The following CHRNA4 variants were observed in gnomAD, a reference collection of about 807,000 sequenced individuals.
The protein encoded by CHRNA4 is neuronal acetylcholine receptor subunit alpha-4.
A neutral mutation model predicts 48.9 loss-of-function variants in CHRNA4; 28 were observed. The ratio of observed to expected loss-of-function variants is 0.57; its 90% CI spans 0.42 to 0.79. CHRNA4 has a LOEUF of 0.79. Among genes scored for constraint, CHRNA4 ranks in the 30% least tolerant of loss-of-function variants. CHRNA4 has a pLI of 0.00. For missense variants in CHRNA4, 859 were observed against 898.4 expected, an observed-to-expected ratio of 0.96 and a Z score of 0.56; for synonymous variants, 425 against 402.3, an observed-to-expected ratio of 1.06 and a Z score of -0.68.
At chr20:63,346,993 G>T in intron 5 of CHRNA4, 130 bp from the exon 6 acceptor site, 1 of 1,364,526 alleles carries the variant, frequency 7.3e-7, no homozygotes, top group Non-Finnish European at 1.0e-6. Context: ...CATTGCTGCT[G>T]GTGCACGCGG....
At position 63,344,551 on chromosome 20, in the gene CHRNA4, G is replaced by A. The variant is rs568370684; in HGVS notation, c.*2187C>T. On this transcript the variant is annotated 3_prime_UTR_variant, in exon 6 of 6. Transcript: ENST00000370263. This position sits in a 1 kb window ranked among gnomAD's most constrained non-coding sequence, Gnocchi z 4.5. ...CCCAGGCAAGCGGCCACCCCCGGCA[G>A]GAGGGTCCCCCGGCAGGAGCGTCCC... 4.4e-6 allele frequency: 2 copies of A among 452,640 alleles called. No homozygotes were observed. Among genetic ancestry groups the A allele is most frequent in the East Asian group, 1.4e-4 (2 of 14,334 alleles). The allele number at this position is 452,640 out of a possible 1,614,324, so 28.0% of individuals were successfully genotyped here. A position where few individuals can be genotyped will look rare whatever the true frequency, so the allele number is the denominator to read the frequency against.
Position 63,354,533 on chromosome 20 carries a change from C to T in CHRNA4, c.383+1442G>A, listed in dbSNP as rs370992978. 1.1e-3 allele frequency: 1,030 copies of T among 942,242 alleles called. 4 individuals are homozygous for T. The highest frequency in any genetic ancestry group is 9.4e-3 in the Middle Eastern group (17 of 1,812). 58.4% of individuals were successfully genotyped at this position (942,242 alleles called of 1,614,324 possible). A position where few individuals can be genotyped will look rare whatever the true frequency, so the allele number is the denominator to read the frequency against. ...CTGTGGTCCTGGGGGAGCTGTGAAC[C>T]TGGTGGGGGCTGCAGTCTTTGGAGG... On this transcript the variant is annotated intron_variant, in intron 4 of 5. Transcript: ENST00000370263.
intron 5 of CHRNA4, among the ~76,000 whole-genome samples, chr20:63,347,611 G>T (rs559289285): frequency 9.5e-4 from 144 of 152,318 alleles, no homozygotes; most frequent in African/African-American, 3.3e-3. Context: ...AGCCACTCTC[G>T]AGACAGCCGC....
At position 63,361,145 on chromosome 20, in the gene CHRNA4, T is replaced by C. The variant is rs1406609330; in HGVS notation, c.21A>G (p.Gly7=). Reference sequence around the variant, plus strand: ...GCAGCGGCGGCAGCAGCCGCGGCGCTCCGGGGCCCCCTAGCTCCATGGCGC... The same window carrying C: ...GCAGCGGCGGCAGCAGCCGCGGCGCCCCGGGGCCCCCTAGCTCCATGGCGC... The part of the protein sequence containing the change: MELGGP[G]APRLLPPLLL... Residue 7 remains glycine, a synonymous_variant, in exon 1 of 6, where the codon GGA becomes GGG. Transcript: ENST00000370263. The C allele has an allele frequency of 6.8e-7, 1 of 1,478,870 alleles. No individual in the cohort carries two copies. The highest frequency in any genetic ancestry group is 2.3e-5 in the Admixed American group (1 of 44,018). The allele number at this position is 1,478,870 out of a possible 1,614,324, so 91.6% of individuals were successfully genotyped here.
At chr20:63,355,707 C>T in intron 4 of CHRNA4, 1 of 857,434 alleles carries the variant, frequency 1.2e-6, no homozygotes, top group Non-Finnish European at 1.8e-6. Flanking sequence ...TCAGGCCCCT[C>T]CGGCTCTGAC....
At chr20:63,354,669 C>T in intron 4 of CHRNA4, 2 of 984,894 alleles carry the variant, frequency 2.0e-6, no homozygotes, top group Non-Finnish European at 2.4e-6. Context: ...AGGCTTCGTT[C>T]CTGGGGGCTG....
At chr20:63,352,700 C>T (rs1014703896) in intron 4 of CHRNA4, among the ~76,000 whole-genome samples, 5 of 152,216 alleles carry the variant, frequency 3.3e-5, no homozygotes, top group African/African-American at 1.2e-4. Flanking sequence ...CTGTTCAGCA[C>T]ACACTCTACA....
At chr20:63,355,232 G>A in intron 4 of CHRNA4, 1 of 339,344 alleles carries the variant, frequency 2.9e-6, no homozygotes, top group Non-Finnish European at 5.8e-6. Flanking sequence ...TCTGCAGGAA[G>A]GACAAGTTAG....
chr20:63,355,445 C>T, intron 4 of CHRNA4: 1 of 1,105,858 alleles, frequency 9.0e-7, no homozygotes, highest in Middle Eastern at 2.3e-4. Context: ...CGTGAGTATG[C>T]AGAGAAAGCA....
At position 63,350,050 on chromosome 20, in the gene CHRNA4, C is replaced by T. The variant is rs2068561991; in HGVS notation, c.1361G>A (p.Gly454Asp). Residue 454 changes from glycine to aspartate, a missense_variant, in exon 5 of 6, where the codon GGC becomes GAC. This residue lies in a region of CHRNA4 where 478 missense variants were observed against 455.4 expected (regional missense o/e 1.05). Coordinates refer to ENST00000370263, the MANE Select transcript of CHRNA4 (RefSeq NM_000744.7). Reference sequence around the variant, plus strand: ...TTTGGCCAGCCCTGGTGCCTGGGTGCCGTGGGGCGGGCGGCAGGGTCCAGG... The same window carrying T: ...TTTGGCCAGCCCTGGTGCCTGGGTGTCGTGGGGCGGGCGGCAGGGTCCAGG... The part of the protein sequence containing the change: ...PSPGPCRPPH[G>D]TQAPGLAKAR... The T allele has an allele frequency of 6.6e-7, 1 of 1,512,888 alleles. No homozygotes were observed. The highest frequency in any genetic ancestry group is 8.9e-7 in the Non-Finnish European group (1 of 1,129,688). 93.7% of individuals were successfully genotyped at this position (1,512,888 alleles called of 1,614,324 possible).
At chr20:63,351,469 G>T (rs1363903757) in intron 4 of CHRNA4, among the ~76,000 whole-genome samples, 1 of 152,176 alleles carries the variant, frequency 6.6e-6, no homozygotes, top group African/African-American at 2.4e-5. Flanking sequence ...CATGAGTGGC[G>T]CATGGATGGG....
Position 63,349,730 on chromosome 20 carries a change from A to G in CHRNA4, c.1681T>C (p.Ser561Pro), listed in dbSNP as rs931741545. Residue 561 changes from serine to proline, a missense_variant, in exon 5 of 6, where the codon TCG (serine) becomes CCG (proline). Coordinates refer to ENST00000370263, the MANE Select transcript of CHRNA4 (RefSeq NM_000744.7). ...TKAPPPHLPL[S>P]PALTRAVEGV... Reference sequence around the variant, plus strand: ...TCCACCGCCCGGGTCAGGGCCGGCGACAGGGGCAGGTGCGGGGGCGGCGCT... The same window carrying G: ...TCCACCGCCCGGGTCAGGGCCGGCGGCAGGGGCAGGTGCGGGGGCGGCGCT... 1.2e-6 allele frequency: 2 copies of G among 1,612,632 alleles called. No individual in the cohort carries two copies. Among genetic ancestry groups the G allele is most frequent in the African/African-American group, 2.7e-5 (2 of 74,908 alleles).
At chr20:63,357,076 GTCCCCACAGAACCACA>G (rs1174091906) in intron 2 of CHRNA4, among the ~76,000 whole-genome samples, 5 of 115,824 alleles carry the variant, frequency 4.3e-5, no homozygotes, top group Non-Finnish European at 3.6e-5. Flanking sequence ...CACGGACCAC[GTCCCCACAGAACCACA>G]TCCCCACAGG....
intron 4 of CHRNA4, chr20:63,354,698 C>G: frequency 1.0e-6 from 1 of 983,830 alleles, no homozygotes; most frequent in Non-Finnish European, 1.2e-6. Context: ...GAGGGCTGTG[C>G]ACAGGCACCC....
chr20:63,352,672 G>C (rs773300525), intron 4 of CHRNA4, among the ~76,000 whole-genome samples: 50 of 152,236 alleles, frequency 3.3e-4, no homozygotes, highest in Non-Finnish European at 5.7e-4. Flanking sequence ...ATTCTCATAT[G>C]GCAAGCGGGT....
intron 4 of CHRNA4, among the ~76,000 whole-genome samples, chr20:63,351,871 T>C (rs6090382): frequency 0.87 from 133,219 of 152,280 alleles, 59,567 homozygotes; most frequent in East Asian, 1. Flanking sequence ...CCCCAGCCCC[T>C]GGTTCCATAG....
chr20:63,350,594 C>T lies in CHRNA4; in HGVS notation c.817G>A (p.Glu273Lys), dbSNP rs758885593. Residue 273 changes from glutamate to lysine, a missense_variant, in exon 5 of 6, where the codon GAG (glutamate) becomes AAG (lysine). By Grantham distance (56) the Glu-to-Lys change is moderately conservative. Transcript: ENST00000370263. Reference protein sequence around the residue: ...LVFYLPSECGEKITLCISVLL... With the variant: ...LVFYLPSECGKKITLCISVLL... The stretch of plus-strand genomic sequence containing the variant: ...ACGGAGATGCACAGCGTGATCTTCT[C>T]GCCACACTCGGAGGGCAGGTAGAAG... The T allele has an allele frequency of 8.7e-6, 14 of 1,613,684 alleles. No homozygotes were observed. Among genetic ancestry groups the T allele is most frequent in the African/African-American group, 4.0e-5 (3 of 74,790 alleles).
At position 63,346,257 on chromosome 20, in the gene CHRNA4, G is replaced by C. The variant is rs1480185605; in HGVS notation, c.*481C>G. The C allele has an allele frequency of 6.6e-6, 3 of 453,184 alleles. No homozygotes were observed. The highest frequency in any genetic ancestry group is 1.3e-5 in the Non-Finnish European group (3 of 226,422). 28.1% of individuals were successfully genotyped at this position (453,184 alleles called of 1,614,324 possible). On this transcript the variant is annotated 3_prime_UTR_variant, in exon 6 of 6. Transcript: ENST00000370263. Reference sequence around the variant, plus strand: ...GAGGCTCAAGGACCCTGGGGGAGAAGTTGAAGCCCACACAGGCGCAGGACA... The same window carrying C: ...GAGGCTCAAGGACCCTGGGGGAGAACTTGAAGCCCACACAGGCGCAGGACA...
intron 4 of CHRNA4, chr20:63,355,627 T>G: frequency 7.7e-7 from 1 of 1,302,120 alleles, no homozygotes; most frequent in Non-Finnish European, 1.0e-6. Flanking sequence ...ACGTCGCGGG[T>G]CAGGAGCCAG....
Sources: gnomAD v4.1 joint callset for allele counts (sites outside exome capture counted in the v4.1 genomes callset) on GRCh38, gnomAD v4.1.1 for gene constraint, gnomAD v4.1.1 regional missense constraint, Gnocchi (gnomAD v3.1) non-coding constraint, MANE v1.5 for transcripts, NCBI Gene and HGNC (gene_info 2026-07-23, HGNC 2026-07-21) for gene names.